The following RGS6 variants were observed in gnomAD, a reference collection of about 807,000 sequenced individuals.
RGS6 encodes the protein regulator of G protein signaling 6.
A neutral mutation model predicts 78.5 loss-of-function variants in RGS6; 30 were observed. That is an observed-to-expected ratio of 0.38 (90% CI 0.29 to 0.52). The LOEUF (loss-of-function observed/expected upper bound fraction) is 0.52, where lower values mean the gene tolerates loss of function less well. RGS6 is among the 20% of genes least tolerant of loss of function. RGS6 has a pLI of 0.85. For synonymous variants in RGS6, 206 were observed against 206.0 expected (o/e 1.00, Z 0.00); for missense variants, 495 against 609.7 (o/e 0.81, Z 1.98).
At chr14:72,337,498 C>T (rs922277397) in intron 2 of RGS6, among the ~76,000 whole-genome samples, 6 of 152,086 alleles carry the variant, frequency 3.9e-5, no homozygotes, top group Non-Finnish European at 8.8e-5. Flanking sequence ...TGCCCTCTCT[C>T]ATTTCTCCTG....
intron 3 of RGS6, among the ~76,000 whole-genome samples, chr14:72,410,166 T>C (rs2153048065): frequency 6.6e-6 from 1 of 152,318 alleles, no homozygotes; most frequent in African/African-American, 2.4e-5. Flanking sequence ...TTGAACTAGT[T>C]TACAGTCCCA....
chr14:72,560,403 G>A (rs569230004), intron 17 of RGS6, among the ~76,000 whole-genome samples: 6 of 152,246 alleles, frequency 3.9e-5, no homozygotes, highest in African/African-American at 9.6e-5. Flanking sequence ...CAGCAGCCCC[G>A]TGTTTCCCCA....
Position 72,269,567 on chromosome 14 carries a change from A to ATTTT in RGS6, c.85-82504_85-82501dup, listed in dbSNP as rs56171281. On this transcript the variant is annotated intron_variant, in intron 2 of 17. Transcript: ENST00000553525. ...GTTTTTACAGTGAAACCTATCTTAA[A>ATTTT]TTTTTTTTTTTTTTTTTTTTTTTTT... Among the ~76,000 whole-genome samples, 11 of 120,324 alleles carry ATTTT rather than the reference A, an allele frequency of 9.1e-5. 2 individuals are homozygous for ATTTT. Among genetic ancestry groups the ATTTT allele is most frequent in the African/African-American group, 9.9e-5 (3 of 30,348 alleles). The allele number at this position is 120,324 out of a possible 152,430, so 78.9% of individuals were successfully genotyped here.
chr14:72,072,869 G>A (rs899479426), intron 2 of RGS6, among the ~76,000 whole-genome samples: 4 of 152,308 alleles, frequency 2.6e-5, no homozygotes, highest in East Asian at 1.9e-4. Flanking sequence ...TCGTGCTGTC[G>A]TTCTCCAATG....
intron 3 of RGS6, among the ~76,000 whole-genome samples, chr14:72,441,843 G>A (rs1334424687): frequency 1.3e-5 from 2 of 152,226 alleles, no homozygotes; most frequent in African/African-American, 2.4e-5. Context: ...CTGGATAGGA[G>A]GCCCCCAGCA....
At position 72,545,037 on chromosome 14, in the gene RGS6, C is replaced by G. The variant is rs551848687; in HGVS notation, c.1422+4943C>G. On this transcript the variant is annotated intron_variant, in intron 17 of 17. Transcript: ENST00000553525. ...GTTTCATGGGGAACAGCCTTGCACCCTGGTGGAATGAGTTCCCAAATACCT... is the reference window on the plus strand; with the variant it reads ...GTTTCATGGGGAACAGCCTTGCACCGTGGTGGAATGAGTTCCCAAATACCT... 9.2e-5 allele frequency among the ~76,000 whole-genome samples: 14 copies of G among 152,380 alleles called. 1 individual carries two copies. The South Asian group carries it at 2.7e-3, about 29-fold the overall frequency.
intron 3 of RGS6, among the ~76,000 whole-genome samples, chr14:72,362,854 C>T (rs1037154763): frequency 9.9e-5 from 15 of 152,142 alleles, no homozygotes; most frequent in African/African-American, 3.6e-4. Context: ...GAGGGCATTA[C>T]CATAACAATC....
chr14:72,610,458 A>G, the RGS6 span, among the ~76,000 whole-genome samples: 1 of 152,240 alleles, frequency 6.6e-6, no homozygotes, highest in East Asian at 1.9e-4. Context: ...GAAGAGACAC[A>G]GAGGGGCTTC....
At chr14:72,160,869 T>C (rs1011252731) in intron 2 of RGS6, among the ~76,000 whole-genome samples, 1 of 152,222 alleles carries the variant, frequency 6.6e-6, no homozygotes, top group Non-Finnish European at 1.5e-5. Flanking sequence ...TTTATTATGA[T>C]AGCCCTACCA....
At chr14:72,397,618 G>A (rs891838152) in intron 3 of RGS6, among the ~76,000 whole-genome samples, 2 of 152,160 alleles carry the variant, frequency 1.3e-5, no homozygotes, top group East Asian at 3.9e-4. Flanking sequence ...GGGCATCCCT[G>A]TCTTGTGCCC....
chr14:72,435,065 A>G (rs1306759963), intron 3 of RGS6, among the ~76,000 whole-genome samples: 3 of 152,208 alleles, frequency 2.0e-5, no homozygotes, highest in Non-Finnish European at 1.5e-5. Flanking sequence ...TGGGCTTGCA[A>G]ATCCTCCAGG....
At chr14:72,203,686 C>G (rs1339607949) in intron 2 of RGS6, among the ~76,000 whole-genome samples, 1 of 152,082 alleles carries the variant, frequency 6.6e-6, no homozygotes, top group Non-Finnish European at 1.5e-5. Flanking sequence ...AGAGGGGAAT[C>G]TGAGAGAAAG....
At chr14:72,415,285 C>T (rs1478933881) in intron 3 of RGS6, among the ~76,000 whole-genome samples, 2 of 152,184 alleles carry the variant, frequency 1.3e-5, no homozygotes, top group Non-Finnish European at 2.9e-5. Context: ...AGTTTGATCT[C>T]AGACTGCTGT....
intron 2 of RGS6, among the ~76,000 whole-genome samples, chr14:71,967,284 C>T (rs1010647130): frequency 1.3e-4 from 19 of 151,888 alleles, no homozygotes; most frequent in East Asian, 1.9e-4. Flanking sequence ...AAAGAAGACA[C>T]ACTTATTGCA....
chr14:72,425,748 T>G (rs1316072215), intron 3 of RGS6, among the ~76,000 whole-genome samples: 1 of 152,200 alleles, frequency 6.6e-6, no homozygotes, highest in Non-Finnish European at 1.5e-5. Flanking sequence ...TATGGTATGT[T>G]TTGAAACCTT....
At chr14:72,532,717 A>G (rs2097198249) in intron 15 of RGS6, among the ~76,000 whole-genome samples, 1 of 152,246 alleles carries the variant, frequency 6.6e-6, no homozygotes, top group African/African-American at 2.4e-5. Flanking sequence ...AGTGGTCTGA[A>G]TAGAAGATCA....
At chr14:72,155,024 T>A (rs1789394645) in intron 2 of RGS6, among the ~76,000 whole-genome samples, 1 of 152,188 alleles carries the variant, frequency 6.6e-6, no homozygotes. Context: ...AAGTAAACAA[T>A]TTCACCGTTA....
At chr14:71,942,768 T>G (rs1453162102) in intron 1 of RGS6, among the ~76,000 whole-genome samples, 1 of 152,168 alleles carries the variant, frequency 6.6e-6, no homozygotes, top group Non-Finnish European at 1.5e-5. Flanking sequence ...TTCCTTCTAC[T>G]TAGGTGTTAG....
rs539675752 is a variant in RGS6 at position 72,256,021 on chromosome 14, C to T, written c.85-96074C>T. ...AATAATGAACCACTTGCTTTTGTTA[C>T]AGCCCAGTGGTTCTTCTTGCCTGCT... On this transcript the variant is annotated intron_variant, in intron 2 of 17. Transcript: ENST00000553525. Among the ~76,000 whole-genome samples the T allele has an allele frequency of 9.2e-5, 14 of 152,302 alleles. No homozygotes were observed. The South Asian group carries it at 2.7e-3, about 29-fold the overall frequency.
Sources: allele counts gnomAD v4.1 joint callset (sites outside exome capture counted in the v4.1 genomes callset), GRCh38; gene constraint gnomAD v4.1.1; transcripts MANE v1.5; gene names NCBI Gene and HGNC (gene_info 2026-07-23, HGNC 2026-07-21).